ROBO2: variants seen among roughly 807,000 people sequenced by gnomAD.
ROBO2 encodes roundabout guidance receptor 2.
Under a neutral mutation model 160.8 loss-of-function variants are expected in ROBO2, and 53 were observed. The ratio of observed to expected loss-of-function variants is 0.33; its 90% CI spans 0.26 to 0.41. The LOEUF is 0.41. Ranked by LOEUF, ROBO2 falls within the 10% of genes least tolerant of loss-of-function variation. The pLI is 1.00. For synonymous variants in ROBO2, 664 were observed against 611.7 expected, an observed-to-expected ratio of 1.09 and a Z score of -1.26; for missense variants, 1,577 against 1,722.4, an observed-to-expected ratio of 0.92 and a Z score of 1.49.
rs1194356634 is a variant in ROBO2, at chr3:76,984,635, G to C, written c.110-113379G>C. 5.3e-5 allele frequency among the ~76,000 whole-genome samples: 8 copies of C among 152,170 alleles called. No homozygotes were observed. In the East Asian group the frequency reaches 1.6e-3, roughly 30 times the overall value. ...AAAAGTTTGAAAGATACATGGAAAC[G>C]TGGTGGGAAGCCCTGGATCTAAAAC... is the stretch of plus-strand genomic sequence containing the variant. On this transcript the variant is annotated intron_variant, in intron 2 of 26. Transcript: ENST00000487694.
intron 2 of ROBO2, among the ~76,000 whole-genome samples, chr3:76,729,836 C>T (rs2093607378): frequency 6.6e-6 from 1 of 152,048 alleles, no homozygotes; most frequent in Admixed American, 6.5e-5. Flanking sequence ...CGAGGTTTTG[C>T]CATCTTGGCC....
chr3:75,926,604 C>T (rs1947302276), intron 1 of ROBO2, among the ~76,000 whole-genome samples: 2 of 152,148 alleles, frequency 1.3e-5, no homozygotes, highest in African/African-American at 4.8e-5. Flanking sequence ...TCACTAAAAG[C>T]ATACCTTCAA....
At chr3:77,550,729 C>T (rs2092888019) in intron 7 of ROBO2, 89 bp from the exon 9 acceptor site, 3 of 1,330,966 alleles carry the variant, frequency 2.3e-6, no homozygotes, top group African/African-American at 2.9e-5. Context: ...TTCTTTTTCC[C>T]ACTGTATTCC....
At chr3:76,463,912 T>A (rs2078230690) in intron 2 of ROBO2, among the ~76,000 whole-genome samples, 1 of 152,126 alleles carries the variant, frequency 6.6e-6, no homozygotes, top group African/African-American at 2.4e-5. Flanking sequence ...GCTAGTTAAG[T>A]CACCTAAAAT....
intron 2 of ROBO2, among the ~76,000 whole-genome samples, chr3:76,640,306 G>T (rs905183580): frequency 6.6e-6 from 1 of 152,160 alleles, no homozygotes; most frequent in African/African-American, 2.4e-5. Flanking sequence ...CTAGGGGAGC[G>T]GATTGCCTGA....
intron 2 of ROBO2, among the ~76,000 whole-genome samples, chr3:76,603,349 AAAATATATATATATATATAT>A (rs1424740431): frequency 4.2e-4 from 17 of 40,628 alleles, no homozygotes; most frequent in African/African-American, 1.4e-3. Flanking sequence ...AAAAAAAAAA[AAAATATATATATATATATAT>A]ATATATATAT....
At chr3:77,086,670 A>G (rs1410036987) in intron 1 of ROBO2, among the ~76,000 whole-genome samples, 2 of 152,156 alleles carry the variant, frequency 1.3e-5, no homozygotes, top group Non-Finnish European at 2.9e-5. Flanking sequence ...TAGTAAATGA[A>G]TGTTGATTAG....
At chr3:77,364,658 G>C (rs1379866588) in intron 2 of ROBO2, among the ~76,000 whole-genome samples, 1 of 152,090 alleles carries the variant, frequency 6.6e-6, no homozygotes, top group Non-Finnish European at 1.5e-5. Flanking sequence ...TGACTAATTT[G>C]TAAAAAGAGA....
intron 2 of ROBO2, among the ~76,000 whole-genome samples, chr3:76,864,558 C>T (rs1028328917): frequency 6.6e-6 from 1 of 152,164 alleles, no homozygotes; most frequent in Middle Eastern, 3.4e-3. Flanking sequence ...TTACTCCCAG[C>T]ATGTGCCTTT....
At chr3:77,448,088 A>G (rs1411032132) in intron 2 of ROBO2, among the ~76,000 whole-genome samples, 1 of 152,108 alleles carries the variant, frequency 6.6e-6, no homozygotes, top group Non-Finnish European at 1.5e-5. Flanking sequence ...TACTGAGAGG[A>G]GGAGCCCTTT....
chr3:77,615,322 T>C (rs151275026), intron 21 of ROBO2, among the ~76,000 whole-genome samples: 171 of 152,318 alleles, frequency 1.1e-3, no homozygotes, highest in African/African-American at 3.8e-3. Context: ...TTTGTTACAA[T>C]TGATGCGCCT....
rs565504644 is a variant in ROBO2 at position 76,419,654 on chromosome 3, A to T, written c.109+482052A>T. On this transcript the variant is annotated intron_variant, in intron 2 of 26. Transcript: ENST00000487694. ...TATTTTCTCTGTCTATTGAGGAAAG[A>T]GATGTACATTGTCGTGTTTTTTTCA... Among the ~76,000 whole-genome samples the T allele has an allele frequency of 2.0e-5, 3 of 152,150 alleles. No homozygotes were observed. The East Asian group carries it at 5.8e-4, about 29-fold the overall frequency.
chr3:77,005,317 C>T (rs183097958), intron 2 of ROBO2, among the ~76,000 whole-genome samples: 11 of 152,268 alleles, frequency 7.2e-5, no homozygotes, highest in African/African-American at 2.6e-4. Context: ...TAATGACGAG[C>T]ACCAAGCACA....
chr3:76,325,397 G>A (rs1236079490), intron 2 of ROBO2, among the ~76,000 whole-genome samples: 1 of 152,134 alleles, frequency 6.6e-6, no homozygotes, highest in African/African-American at 2.4e-5. Flanking sequence ...GCATAAATAA[G>A]TTGATAAAAG....
intron 4 of ROBO2, among the ~76,000 whole-genome samples, chr3:77,486,638 T>G (rs1002048122): frequency 6.6e-6 from 1 of 152,232 alleles, no homozygotes; most frequent in Admixed American, 6.5e-5. Context: ...TAAATTTGTT[T>G]AAGTTCCTTG....
intron 2 of ROBO2, among the ~76,000 whole-genome samples, chr3:76,082,918 C>A (rs951228068): frequency 3.3e-5 from 5 of 151,904 alleles, no homozygotes; most frequent in African/African-American, 1.2e-4. Flanking sequence ...AAGGCGATCA[C>A]CATGGGCATA....
intron 2 of ROBO2, among the ~76,000 whole-genome samples, chr3:76,839,954 A>G (rs904233597): frequency 1.3e-5 from 2 of 152,198 alleles, no homozygotes; most frequent in Non-Finnish European, 2.9e-5. Context: ...TTATTCACAT[A>G]TAGTTGCTCA....
chr3:76,364,630 T>G (rs1159827367), intron 2 of ROBO2, among the ~76,000 whole-genome samples: 2 of 152,038 alleles, frequency 1.3e-5, no homozygotes, highest in South Asian at 2.1e-4. Flanking sequence ...CTTGTTATAG[T>G]GAGAAGTTTT....
At chr3:76,194,200 C>T (rs929764541) in intron 2 of ROBO2, among the ~76,000 whole-genome samples, 1 of 151,206 alleles carries the variant, frequency 6.6e-6, no homozygotes, top group Non-Finnish European at 1.5e-5. Context: ...GAAAGACTAA[C>T]ATTTTATTTT....
Sources: gnomAD v4.1 joint callset for allele counts (sites outside exome capture counted in the v4.1 genomes callset) on GRCh38, gnomAD v4.1.1 for gene constraint, MANE v1.5 for transcripts, NCBI Gene and HGNC (gene_info 2026-07-23, HGNC 2026-07-21) for gene names.